Variants in PTGER3 observed in about 807,000 individuals in gnomAD.
PTGER3 encodes prostaglandin E2 receptor EP3 subtype.
PTGER3 carries 22 observed loss-of-function variants against 34.7 expected under a neutral mutation model. The observed-to-expected ratio is 0.63, with a 90% confidence interval of 0.45 to 0.91. The LOEUF is 0.91. Among genes scored for constraint, PTGER3 ranks in the 40% least tolerant of loss-of-function variants. The pLI, the probability that PTGER3 is intolerant of heterozygous loss-of-function variation, is 0.00. For missense variants in PTGER3, 468 were observed against 519.4 expected, an observed-to-expected ratio of 0.90 and a Z score of 0.96; for synonymous variants, 241 against 230.1, an observed-to-expected ratio of 1.05 and a Z score of -0.43.
chr1:70,963,281 T>C (rs1439203738), intron 2 of PTGER3, among the ~76,000 whole-genome samples: 1 of 152,062 alleles, frequency 6.6e-6, no homozygotes, highest in Non-Finnish European at 1.5e-5. Context: ...CGCACAAGCC[T>C]TTGGGAGATC....
At chr1:70,903,718 G>T (rs141306489) in intron 4 of PTGER3, among the ~76,000 whole-genome samples, 1 of 152,136 alleles carries the variant, frequency 6.6e-6, no homozygotes, top group Non-Finnish European at 1.5e-5. Context: ...TAAACCAGAG[G>T]AGGAGGGAAA....
At position 70,958,829 on chromosome 1, in the gene PTGER3, A is replaced by C. The variant is rs142054236; in HGVS notation, c.1078-5040T>G. On this transcript the variant is annotated intron_variant, in intron 2 of 3. Transcript: ENST00000356595. ...GTTTGGATCTTATGTTTGAGTCTTTAATCCAGTTAGAGTTGATTTTTGTAT... is the reference window on the plus strand; with the variant it reads ...GTTTGGATCTTATGTTTGAGTCTTTCATCCAGTTAGAGTTGATTTTTGTAT... 4.6e-5 allele frequency among the ~76,000 whole-genome samples: 7 copies of C among 152,262 alleles called. No homozygotes were observed. The East Asian group carries it at 1.3e-3, about 29-fold the overall frequency.
In PTGER3 at chr1:71,020,697, A is replaced by AGTGTGTGTGT. The variant is rs112981971; in HGVS notation, c.898-8223_898-8214dup. 2.6e-3 allele frequency among the ~76,000 whole-genome samples: 374 copies of AGTGTGTGTGT among 144,878 alleles called. 2 individuals carry two copies. Among genetic ancestry groups the AGTGTGTGTGT allele is most frequent in the African/African-American group, 9.0e-3 (355 of 39,404 alleles). Reference sequence around the variant, plus strand: ...ATGAAGCTTTGGTGTATGTTAGCAGAGTGTGTGTGTGTGTGTGTGTGTGTG... The same window carrying AGTGTGTGTGT: ...ATGAAGCTTTGGTGTATGTTAGCAGAGTGTGTGTGTGTGTGTGTGTGTGTGTGTGTGTGTG... On this transcript the variant is annotated intron_variant, in intron 1 of 3. Coordinates refer to ENST00000306666, the MANE Select transcript of PTGER3 (RefSeq NM_198719.2).
At chr1:70,967,560 C>T (rs1652657499), downstream of PTGER3, among the ~76,000 whole-genome samples, 1 of 151,574 alleles carries the variant, frequency 6.6e-6, no homozygotes, top group African/African-American at 2.4e-5. Flanking sequence ...CAGTAAAAGC[C>T]TGGATTAATG....
chr1:70,864,838 T>C (rs982691165), intron 4 of PTGER3, among the ~76,000 whole-genome samples: 3 of 152,228 alleles, frequency 2.0e-5, no homozygotes, highest in Admixed American at 1.3e-4. Flanking sequence ...ATAACTTGCC[T>C]AAGTTCACAC....
intron 4 of PTGER3, among the ~76,000 whole-genome samples, chr1:70,910,150 G>T (rs1057198803): frequency 2.0e-5 from 3 of 152,188 alleles, no homozygotes; most frequent in Non-Finnish European, 2.9e-5. Flanking sequence ...ACTGAAAACA[G>T]TGAACGGAAA....
chr1:70,931,733 C>T (rs1648717305), intron 4 of PTGER3, among the ~76,000 whole-genome samples: 1 of 152,190 alleles, frequency 6.6e-6, no homozygotes. Flanking sequence ...GGGCTGCCCA[C>T]AGCATGGGAA....
At chr1:70,901,810 A>G (rs1231929064) in intron 4 of PTGER3, among the ~76,000 whole-genome samples, 2 of 152,230 alleles carry the variant, frequency 1.3e-5, no homozygotes, top group Admixed American at 6.5e-5. Context: ...TATCCCAAAC[A>G]TAGTTTTGGA....
chr1:70,990,680 G>A (rs1304609779), intron 2 of PTGER3, among the ~76,000 whole-genome samples: 1 of 151,846 alleles, frequency 6.6e-6, no homozygotes, highest in Non-Finnish European at 1.5e-5. Flanking sequence ...GTTTCACAGT[G>A]TTGCTCAGGC....
chr1:71,041,723 G>C (rs563438516), intron 1 of PTGER3, among the ~76,000 whole-genome samples: 1 of 152,228 alleles, frequency 6.6e-6, no homozygotes, highest in Admixed American at 6.5e-5. Context: ...AAAAATGGGA[G>C]AGTAAGAATT....
chr1:70,952,565 T>A, exon 4 of PTGER3: 2 of 999,684 alleles, frequency 2.0e-6, no homozygotes, highest in Non-Finnish European at 2.4e-6. Flanking sequence ...CTGGACCAAA[T>A]GTTAAAATAC....
chr1:70,947,845 T>C (rs752628745), downstream of PTGER3, among the ~76,000 whole-genome samples: 4 of 152,204 alleles, frequency 2.6e-5, no homozygotes, highest in African/African-American at 7.2e-5. Flanking sequence ...TACGTGTACA[T>C]GTTCTAAAAA....
At chr1:70,939,088 G>C (rs960965944) in intron 4 of PTGER3, among the ~76,000 whole-genome samples, 6 of 152,172 alleles carry the variant, frequency 3.9e-5, no homozygotes, top group Non-Finnish European at 7.3e-5. Flanking sequence ...AGGGGTACAA[G>C]TATTAGATAA....
At chr1:70,980,544 C>T (rs1427525185) in intron 2 of PTGER3, among the ~76,000 whole-genome samples, 1 of 151,966 alleles carries the variant, frequency 6.6e-6, no homozygotes, top group Non-Finnish European at 1.5e-5. Flanking sequence ...CAGGAGGATT[C>T]CTGGAGCCTA....
chr1:70,952,473 A>G (rs1650857167), exon 4 of PTGER3: 1 of 985,926 alleles, frequency 1.0e-6, no homozygotes, highest in African/African-American at 1.7e-5. Flanking sequence ...TGAACAAATA[A>G]CAGATTTTCC....
intron 4 of PTGER3, among the ~76,000 whole-genome samples, chr1:70,905,460 G>A (rs1301155262): frequency 6.6e-6 from 1 of 152,162 alleles, no homozygotes; most frequent in Non-Finnish European, 1.5e-5. Flanking sequence ...GCTGTACCCT[G>A]CAGATCCACA....
intron 1 of PTGER3, among the ~76,000 whole-genome samples, chr1:71,046,178 G>C (rs1339875094): frequency 1.3e-5 from 2 of 150,652 alleles, no homozygotes; most frequent in Non-Finnish European, 3.0e-5. Context: ...CCAGCTACTC[G>C]GAGAGGCTGA....
At chr1:71,045,532 T>C (rs571063664) in intron 1 of PTGER3, among the ~76,000 whole-genome samples, 1 of 152,184 alleles carries the variant, frequency 6.6e-6, no homozygotes, top group Admixed American at 6.5e-5. Flanking sequence ...CTTCAGGAAT[T>C]AGTAAACAGC....
intron 2 of PTGER3, among the ~76,000 whole-genome samples, chr1:70,962,664 G>A (rs1267805301): frequency 2.0e-5 from 3 of 152,138 alleles, no homozygotes; most frequent in African/African-American, 7.2e-5. Flanking sequence ...TCACCATGAT[G>A]AGAACAGAAC....
Sources: gnomAD v4.1 joint callset for allele counts (sites outside exome capture counted in the v4.1 genomes callset) on GRCh38, gnomAD v4.1.1 for gene constraint, MANE v1.5 for transcripts, NCBI Gene and HGNC (gene_info 2026-07-23, HGNC 2026-07-21) for gene names.